KCNQ1OT1: variants seen among roughly 807,000 people sequenced by gnomAD.
The protein encoded by KCNQ1OT1 is KCNQ1 opposite strand/antisense transcript 1.
exon 1 of KCNQ1OT1, chr11:2,655,810 C>G (rs1849836696): frequency 7.5e-6 from 3 of 398,532 alleles, no homozygotes; most frequent in East Asian, 7.1e-5. Context: ...CCCACAGTCT[C>G]CAACACACAA....
In KCNQ1OT1 at chr11:2,626,021, T is replaced by G. The variant is rs1452933855; in HGVS notation, n.73974A>C. On this transcript the variant is annotated non_coding_transcript_exon_variant, in exon 1 of 1. Transcript: ENST00000597346. The surrounding 1 kb of genome is among the most constrained non-coding windows in gnomAD (Gnocchi z 4.0). The stretch of plus-strand genomic sequence containing the variant: ...TATTGCTTAGTTGATATTATTTTAA[T>G]GCACACAATGTAAATTTTTAAAATT... The G allele has an allele frequency of 1.0e-5, 4 of 398,542 alleles. No individual in the cohort carries two copies. In the Admixed American group the frequency reaches 1.8e-4, roughly 18 times the overall value. 24.7% of individuals were successfully genotyped at this position (398,542 alleles called of 1,614,324 possible). A position where few individuals can be genotyped will look rare whatever the true frequency, so the allele number is the denominator to read the frequency against.
exon 1 of KCNQ1OT1, chr11:2,632,182 C>CAAAAA (rs34998500): frequency 9.6e-5 from 30 of 312,218 alleles, no homozygotes; most frequent in Middle Eastern, 1.5e-3. Context: ...GACTCTGCCT[C>CAAAAA]AAAAAAAAAA....
At chr11:2,643,306 A>G (rs953193568) in exon 1 of KCNQ1OT1, 14 of 398,138 alleles carry the variant, frequency 3.5e-5, no homozygotes, top group Non-Finnish European at 6.2e-5. Context: ...TTCCCTTCAG[A>G]TTTGATGTTT....
chr11:2,696,462 G>T (rs997637246), exon 1 of KCNQ1OT1: 53 of 398,674 alleles, frequency 1.3e-4, no homozygotes, highest in African/African-American at 1.0e-3. Flanking sequence ...ACACCGCTCT[G>T]ATTGCTGAAG....
Position 2,695,126 on chromosome 11 carries a change from A to G in KCNQ1OT1, n.4869T>C. 5.0e-6 allele frequency: 2 copies of G among 398,696 alleles called. No homozygotes were observed. The highest frequency in any genetic ancestry group is 2.5e-4 in the South Asian group (2 of 7,864). 24.7% of individuals were successfully genotyped at this position (398,696 alleles called of 1,614,324 possible). A position where few individuals can be genotyped will look rare whatever the true frequency, so the allele number is the denominator to read the frequency against. On this transcript the variant is annotated non_coding_transcript_exon_variant, in exon 1 of 1. Transcript: ENST00000597346. The surrounding 1 kb of genome is among the most constrained non-coding windows in gnomAD (Gnocchi z 5.2). ...TATCTGGCAGGAGAGTCATGGAGGC[A>G]CATTCATTCGTTGGTTCTTGGCTTT...
chr11:2,612,785 TTC>T lies in KCNQ1OT1; in HGVS notation n.87208_87209del, dbSNP rs1849001942. The T allele has an allele frequency of 2.5e-6, 1 of 398,498 alleles. No individual in the cohort carries two copies. The highest frequency in any genetic ancestry group is 2.1e-5 in the African/African-American group (1 of 48,618). The allele number at this position is 398,498 out of a possible 1,614,324, so 24.7% of individuals were successfully genotyped here. ...TTATTCTTGTTCAAGGGTCACAATT[TTC>T]TGTTTCTTTGCATATCTCATTTTTT... On this transcript the variant is annotated non_coding_transcript_exon_variant, in exon 1 of 1. Coordinates refer to ENST00000597346, the Ensembl canonical transcript of KCNQ1OT1. This position sits in a 1 kb window ranked among gnomAD's most constrained non-coding sequence, Gnocchi z 5.5.
chr11:2,650,815 T>C (rs978311746), exon 1 of KCNQ1OT1: 1 of 398,538 alleles, frequency 2.5e-6, no homozygotes, highest in Non-Finnish European at 4.4e-6. Context: ...CATGTGGTTT[T>C]ATTTGCACTT....
chr11:2,614,790 C>T (rs1031413779), exon 1 of KCNQ1OT1: 4 of 398,368 alleles, frequency 1.0e-5, no homozygotes, highest in African/African-American at 2.1e-5. Flanking sequence ...GTTTTGATTA[C>T]TGCAGCTTTG....
chr11:2,641,101 C>G (rs1052329061), exon 1 of KCNQ1OT1: 38 of 398,272 alleles, frequency 9.5e-5, no homozygotes, highest in Admixed American at 6.2e-4. Flanking sequence ...CATATCTTTG[C>G]TGTTGTGAAT....
chr11:2,656,727 G>A (rs1034979946), exon 1 of KCNQ1OT1: 8 of 398,410 alleles, frequency 2.0e-5, no homozygotes, highest in Admixed American at 1.8e-4. Context: ...TAACTCTAAT[G>A]TCAAATTACT....
chr11:2,659,986 G>A lies in KCNQ1OT1; in HGVS notation n.40009C>T. The A allele has an allele frequency of 2.5e-6, 1 of 398,398 alleles. No homozygotes were observed. 24.7% of individuals were successfully genotyped at this position (398,398 alleles called of 1,614,324 possible). Reference sequence around the variant, plus strand: ...ATGCAAATATTCTTTCCAAGTCTGTGCTTTGTCTTTTCATTCCATTAGCAG... The same window carrying A: ...ATGCAAATATTCTTTCCAAGTCTGTACTTTGTCTTTTCATTCCATTAGCAG... On this transcript the variant is annotated non_coding_transcript_exon_variant, in exon 1 of 1. Transcript: ENST00000597346. This position sits in a 1 kb window ranked among gnomAD's most constrained non-coding sequence, Gnocchi z 4.3.
exon 1 of KCNQ1OT1, chr11:2,633,174 C>T (rs997699180): frequency 2.3e-5 from 9 of 398,380 alleles, no homozygotes; most frequent in African/African-American, 1.6e-4. Flanking sequence ...AGATGTTGAG[C>T]ATTTTTTCAC....
At chr11:2,684,713 C>T (rs1250174779) in exon 1 of KCNQ1OT1, 4 of 398,504 alleles carry the variant, frequency 1.0e-5, no homozygotes, top group Non-Finnish European at 1.8e-5. Flanking sequence ...GGCGGAGGGG[C>T]CTGGAGAGAA....
Position 2,651,417 on chromosome 11 carries a change from C to T in KCNQ1OT1, n.48578G>A. The T allele has an allele frequency of 2.5e-6, 1 of 398,658 alleles. No individual in the cohort carries two copies. The allele number at this position is 398,658 out of a possible 1,614,324, so 24.7% of individuals were successfully genotyped here. ...CTCACTTTCCATTCCTTTTGGCCTG[C>T]CCTGTGTGCAGCTCAGCAAGTGCCT... On this transcript the variant is annotated non_coding_transcript_exon_variant, in exon 1 of 1. Coordinates refer to ENST00000597346, the Ensembl canonical transcript of KCNQ1OT1. The surrounding 1 kb of genome is among the most constrained non-coding windows in gnomAD (Gnocchi z 6.1).
In KCNQ1OT1 at chr11:2,663,476, ATGT is replaced by A. The variant is rs1301856197; in HGVS notation, n.36516_36518del. On this transcript the variant is annotated non_coding_transcript_exon_variant, in exon 1 of 1. Coordinates refer to ENST00000597346, the Ensembl canonical transcript of KCNQ1OT1. This position sits in a 1 kb window ranked among gnomAD's most constrained non-coding sequence, Gnocchi z 5.2. ...GTGATCAGTGTTAGTTTAGTGGCTC[ATGT>A]TGTGTGCAATACAGGTGGCAGTGCC... 2 of 398,506 alleles carry A rather than the reference ATGT, an allele frequency of 5.0e-6. No individual in the cohort carries two copies. Among genetic ancestry groups the A allele is most frequent in the African/African-American group, 4.1e-5 (2 of 48,602 alleles). 24.7% of individuals were successfully genotyped at this position (398,506 alleles called of 1,614,324 possible).
In KCNQ1OT1 at chr11:2,687,958, G is replaced by A. The variant is rs561638885; in HGVS notation, n.12037C>T. On this transcript the variant is annotated non_coding_transcript_exon_variant, in exon 1 of 1. Transcript: ENST00000597346. The surrounding 1 kb of genome is among the most constrained non-coding windows in gnomAD (Gnocchi z 5.0). ...TCTCCCACCCGCTGTGGGTCAGCCA[G>A]GCCGCTGCTTCCTGCTTCCCTTTGA... 3.9e-4 allele frequency: 155 copies of A among 398,806 alleles called. 1 individual carries two copies. In the South Asian group the frequency reaches 0.018, roughly 45 times the overall value. The allele number at this position is 398,806 out of a possible 1,614,324, so 24.7% of individuals were successfully genotyped here.
chr11:2,681,050 G>A, exon 1 of KCNQ1OT1: 2 of 398,460 alleles, frequency 5.0e-6, no homozygotes, highest in Non-Finnish European at 8.8e-6. Flanking sequence ...AGTGAAATGT[G>A]GGCTCCAAAA....
chr11:2,627,876 G>C lies in KCNQ1OT1; in HGVS notation n.72119C>G. ...AGTGATCCTCCTGCCTCAGCCTCCT[G>C]AGTAGCTGGGACCACAGTCATGCAC... On this transcript the variant is annotated non_coding_transcript_exon_variant, in exon 1 of 1. Coordinates refer to ENST00000597346, the Ensembl canonical transcript of KCNQ1OT1. This position sits in a 1 kb window ranked among gnomAD's most constrained non-coding sequence, Gnocchi z 4.9. 1 of 398,690 alleles carries C rather than the reference G, an allele frequency of 2.5e-6. No individual in the cohort carries two copies. The highest frequency in any genetic ancestry group is 3.6e-5 in the East Asian group (1 of 28,074). The allele number at this position is 398,690 out of a possible 1,614,324, so 24.7% of individuals were successfully genotyped here. A position where few individuals can be genotyped will look rare whatever the true frequency, so the allele number is the denominator to read the frequency against.
Position 2,642,617 on chromosome 11 carries a change from TTTGCATTTCA to T in KCNQ1OT1, n.57368_57377del, listed in dbSNP as rs1849597041. 2.5e-6 allele frequency: 1 copy of T among 397,956 alleles called. No homozygotes were observed. The highest frequency in any genetic ancestry group is 2.1e-5 in the African/African-American group (1 of 48,750). The allele number at this position is 397,956 out of a possible 1,614,324, so 24.7% of individuals were successfully genotyped here. On this transcript the variant is annotated non_coding_transcript_exon_variant, in exon 1 of 1. Coordinates refer to ENST00000597346, the Ensembl canonical transcript of KCNQ1OT1. The surrounding 1 kb of genome is among the most constrained non-coding windows in gnomAD (Gnocchi z 4.3). Reference sequence around the variant, plus strand: ...ATTTTGTTTCTTTTCAAAAACCGATTTTGCATTTCATTGATCCTTTATATTTATTTAGTTT... The same window carrying T: ...ATTTTGTTTCTTTTCAAAAACCGATTTTGATCCTTTATATTTATTTAGTTT...
Sources: gnomAD v4.1 joint callset for allele counts on GRCh38, gnomAD v4.1.1 for gene constraint, Gnocchi (gnomAD v3.1) non-coding constraint, MANE v1.5 for transcripts, NCBI Gene and HGNC (gene_info 2026-07-23, HGNC 2026-07-21) for gene names.